The following KLHDC4 variants were observed in gnomAD, a reference collection of about 807,000 sequenced individuals.
KLHDC4 encodes the protein kelch domain-containing protein 4.
Under a neutral mutation model 62.4 loss-of-function variants are expected in KLHDC4, and 90 were observed. The observed-to-expected ratio is 1.44, with a 90% CI of 1.22 to 1.72. The LOEUF is 1.72. Ranked by LOEUF, KLHDC4 falls within the 40% of genes most tolerant of loss-of-function variation. KLHDC4 has a pLI of 0.00. For missense variants in KLHDC4, 1,025 were observed against 699.7 expected (o/e 1.47, Z -5.25); for synonymous variants, 386 against 284.4 (o/e 1.36, Z -3.59).
intron 5 of KLHDC4, among the ~76,000 whole-genome samples, chr16:87,731,586 A>G (rs952236341): frequency 6.6e-6 from 1 of 152,042 alleles, no homozygotes; most frequent in Admixed American, 6.6e-5. Context: ...CGAGATCAAG[A>G]CAACATCAAG....
chr16:87,704,429 C>T (rs1361420565), downstream of KLHDC4, among the ~76,000 whole-genome samples: 1 of 91,562 alleles, frequency 1.1e-5, no homozygotes, highest in Non-Finnish European at 2.0e-5. Flanking sequence ...CTGAACGTCA[C>T]GGGGAAGGAG....
chr16:87,762,584 T>C (rs919502046), intron 1 of KLHDC4, among the ~76,000 whole-genome samples: 13 of 152,256 alleles, frequency 8.5e-5, no homozygotes, highest in African/African-American at 2.2e-4. Context: ...AATAATAAAA[T>C]ATGAGCTCCA....
At chr16:87,751,041 C>T (rs1567804407) in intron 4 of KLHDC4, 1 of 152,338 alleles carries the variant, frequency 6.6e-6, no homozygotes, top group African/African-American at 2.4e-5. Context: ...CCATGCCACA[C>T]AGTAAATAGA....
chr16:87,718,955 C>T (rs1747117122), intron 7 of KLHDC4, among the ~76,000 whole-genome samples: 1 of 151,752 alleles, frequency 6.6e-6, no homozygotes, highest in African/African-American at 2.4e-5. Flanking sequence ...TGCCCGGCCG[C>T]CCGGTCTGAG....
chr16:87,702,325 T>A (rs1395952930), exon 1 of KLHDC4: 23 of 455,422 alleles, frequency 5.1e-5, no homozygotes, highest in South Asian at 3.4e-4. Context: ...GGCCCTGGGG[T>A]CAGGCTGAGA....
intron 7 of KLHDC4, among the ~76,000 whole-genome samples, chr16:87,721,967 A>C (rs2038445042): frequency 6.6e-6 from 1 of 151,780 alleles, no homozygotes; most frequent in Non-Finnish European, 1.5e-5. Flanking sequence ...CCATCCAAAC[A>C]CCATTTCCAA....
At chr16:87,731,285 G>A (rs761174201) in intron 5 of KLHDC4, among the ~76,000 whole-genome samples, 6 of 151,416 alleles carry the variant, frequency 4.0e-5, no homozygotes, top group Non-Finnish European at 7.4e-5. Context: ...GGCTGGTCTC[G>A]AACTCCTGAC....
At chr16:87,729,730 C>T (rs1359585426) in intron 6 of KLHDC4, among the ~76,000 whole-genome samples, 1 of 152,232 alleles carries the variant, frequency 6.6e-6, no homozygotes, top group African/African-American at 2.4e-5. Flanking sequence ...GGAGAGTGTG[C>T]TATCACTGCT....
intron 5 of KLHDC4, chr16:87,743,079 A>C (rs1482052015): frequency 6.6e-6 from 1 of 152,298 alleles, no homozygotes; most frequent in East Asian, 1.9e-4. Context: ...ACATGAGGTC[A>C]AAGACTTTAT....
chr16:87,707,244 A>G (rs904622659), downstream of KLHDC4, among the ~76,000 whole-genome samples: 1 of 152,248 alleles, frequency 6.6e-6, no homozygotes, highest in African/African-American at 2.4e-5. Context: ...CGCTGAAGCC[A>G]GGAGGAGCTG....
At chr16:87,699,382 A>T (rs1421050843) in exon 1 of KLHDC4, 1 of 152,288 alleles carries the variant, frequency 6.6e-6, no homozygotes, top group Admixed American at 6.5e-5. Flanking sequence ...CTAACTGACA[A>T]GACAGTGGTG....
chr16:87,749,554 A>T, intron 4 of KLHDC4, among the ~76,000 whole-genome samples: 1 of 79,498 alleles, frequency 1.3e-5, no homozygotes, highest in Admixed American at 1.6e-4. Flanking sequence ...ACTCCATGTC[A>T]AAAAAAAAAA....
intron 1 of KLHDC4, chr16:87,765,482 G>A (rs1045614462): frequency 3.9e-6 from 2 of 508,484 alleles, no homozygotes; most frequent in Admixed American, 2.5e-5. Context: ...TCCCTTCAGA[G>A]GGAGGGTGGA....
intron 7 of KLHDC4, among the ~76,000 whole-genome samples, chr16:87,718,718 G>A (rs1398834453): frequency 1.3e-5 from 2 of 150,256 alleles, no homozygotes; most frequent in African/African-American, 2.5e-5. Context: ...CCTCTGCCCG[G>A]CTGCCCAGCC....
chr16:87,705,958 C>T (rs1316105307), downstream of KLHDC4, among the ~76,000 whole-genome samples: 1 of 152,230 alleles, frequency 6.6e-6, no homozygotes, highest in Non-Finnish European at 1.5e-5. Context: ...GCAACACAAG[C>T]TGCAGCCCTG....
At chr16:87,756,343 T>C (rs2143325347) in intron 3 of KLHDC4, 56 bp downstream of exon 3, 14 of 1,307,772 alleles carry the variant, frequency 1.1e-5, no homozygotes, top group East Asian at 6.9e-5. Context: ...AAGTTAACTT[T>C]CTGTCAAATG....
upstream of KLHDC4, chr16:87,702,679 G>A (rs536229251): frequency 3.2e-5 from 7 of 216,068 alleles, no homozygotes; most frequent in East Asian, 2.1e-4. Context: ...GGAGCCACGC[G>A]GAAGAGGCAC....
intron 10 of KLHDC4, 41 bp from the exon 11 acceptor site, chr16:87,708,507 T>C (rs2035096812): frequency 6.7e-7 from 1 of 1,499,154 alleles, no homozygotes; most frequent in Admixed American, 1.9e-5. Context: ...TCAGCGCAGC[T>C]GAGGCAGGTG....
intron 4 of KLHDC4, 43 bp downstream of exon 4, chr16:87,755,151 C>A (rs182641931): frequency 4.4e-6 from 6 of 1,365,288 alleles, no homozygotes; most frequent in Non-Finnish European, 5.2e-6. Context: ...CAGACTCCCA[C>A]GTGGGAAGAG....
Sources: allele counts gnomAD v4.1 joint callset (sites outside exome capture counted in the v4.1 genomes callset), GRCh38; gene constraint gnomAD v4.1.1; transcripts MANE v1.5; gene names NCBI Gene and HGNC (gene_info 2026-07-23, HGNC 2026-07-21).